Variants in CDK14 observed in about 807,000 individuals in gnomAD.
CDK14 encodes the protein cyclin dependent kinase 14, also known as cyclin-dependent kinase 14.
Under a neutral mutation model 60.7 loss-of-function variants are expected in CDK14, and 34 were observed. The ratio of observed to expected loss-of-function variants is 0.56; its 90% confidence interval spans 0.43 to 0.75. The LOEUF is 0.75. Ranked by LOEUF, CDK14 falls within the 30% of genes least tolerant of loss-of-function variation. The pLI, the probability that CDK14 is intolerant of heterozygous loss-of-function variation, is 0.00. For missense variants in CDK14, 482 were observed against 564.1 expected, an observed-to-expected ratio of 0.85 and a Z score of 1.47; for synonymous variants, 197 against 203.7, an observed-to-expected ratio of 0.97 and a Z score of 0.28.
intron 3 of CDK14, among the ~76,000 whole-genome samples, chr7:90,738,268 A>G (rs568435931): frequency 6.6e-6 from 1 of 152,202 alleles, no homozygotes; most frequent in Non-Finnish European, 1.5e-5. Context: ...TCAAATGGGG[A>G]TAGTAATAGA....
chr7:91,201,519 A>G (rs1039940831), intron 14 of CDK14, among the ~76,000 whole-genome samples: 2 of 151,874 alleles, frequency 1.3e-5, no homozygotes, highest in African/African-American at 4.8e-5. Context: ...GAGGAAGGGC[A>G]ATGCAGCAGG....
chr7:90,899,002 G>T (rs748467915), intron 6 of CDK14, among the ~76,000 whole-genome samples: 1 of 151,864 alleles, frequency 6.6e-6, no homozygotes, highest in Admixed American at 6.6e-5. Flanking sequence ...AAAGTATAAG[G>T]ATATATTCAA....
intron 2 of CDK14, among the ~76,000 whole-genome samples, chr7:90,694,949 T>C (rs17716083): frequency 0.073 from 11,009 of 151,692 alleles, 541 homozygotes; most frequent in East Asian, 0.19. Flanking sequence ...AAGCTGCTAC[T>C]TCAACTAAGA....
chr7:90,649,284 C>G (rs537981739), intron 2 of CDK14, among the ~76,000 whole-genome samples: 56 of 60,168 alleles, frequency 9.3e-4, no homozygotes, highest in Admixed American at 1.5e-3. Context: ...TTCTTTCTTT[C>G]TTTCTTTCTT....
chr7:91,006,892 C>T (rs1413819765), intron 10 of CDK14, among the ~76,000 whole-genome samples: 1 of 152,140 alleles, frequency 6.6e-6, no homozygotes, highest in African/African-American at 2.4e-5. Flanking sequence ...CATAATGATC[C>T]ATTCTATGGC....
rs548573725 is a variant in CDK14, at chr7:91,125,390, A to G, written c.*28+7182A>G. Among the ~76,000 whole-genome samples the G allele has an allele frequency of 6.6e-5, 10 of 152,318 alleles. No homozygotes were observed. The South Asian group carries it at 2.1e-3, about 32-fold the overall frequency. ...TTAAACACTTTAGCTAAAGTATTAC[A>G]AGTATAATTAACAAAAAGTTTGCAA... On this transcript the variant is annotated intron_variant, in intron 14 of 14. Transcript: ENST00000380050.
At chr7:90,891,659 G>A (rs188315987) in intron 6 of CDK14, among the ~76,000 whole-genome samples, 225 of 152,318 alleles carry the variant, frequency 1.5e-3, no homozygotes, top group African/African-American at 5.1e-3. Flanking sequence ...ATTTCTGTTG[G>A]TCATCTCCAT....
chr7:90,953,112 T>C (rs1052060580), intron 8 of CDK14, among the ~76,000 whole-genome samples: 7 of 152,154 alleles, frequency 4.6e-5, no homozygotes, highest in East Asian at 3.8e-4. Flanking sequence ...GATTTTCTTA[T>C]CCTATTAACC....
intron 9 of CDK14, among the ~76,000 whole-genome samples, chr7:90,965,554 T>C (rs1309118235): frequency 6.6e-6 from 1 of 152,208 alleles, no homozygotes; most frequent in African/African-American, 2.4e-5. Flanking sequence ...GTATGTCTTA[T>C]TGGTTCCCTT....
intron 10 of CDK14, among the ~76,000 whole-genome samples, chr7:91,003,219 C>T (rs1268991272): frequency 1.3e-5 from 2 of 152,152 alleles, no homozygotes; most frequent in Admixed American, 1.3e-4. Context: ...CTGTCCTCAT[C>T]CCATGCATCA....
intron 14 of CDK14, among the ~76,000 whole-genome samples, chr7:91,204,263 A>G (rs1372350834): frequency 2.0e-5 from 3 of 152,210 alleles, no homozygotes; most frequent in African/African-American, 7.2e-5. Context: ...CATACCATAT[A>G]CAAAACTTCA....
At chr7:90,878,114 G>GAGAGAGAGAGAGACAC (rs1378898996) in intron 6 of CDK14, among the ~76,000 whole-genome samples, 3 of 144,302 alleles carry the variant, frequency 2.1e-5, no homozygotes, top group African/African-American at 8.6e-5. Flanking sequence ...GAGAGAGACA[G>GAGAGAGAGAGAGACAC]AGAGAGAGAG....
At position 90,605,514 on chromosome 7, in the gene CDK14, G is replaced by C. The variant is rs185867126; in HGVS notation, c.123+1265G>C. On this transcript the variant is annotated intron_variant, in intron 2 of 14. Transcript: ENST00000380050. ...AACATGTATTTCTGGAATTTCGGTAGTGTTGTTATTGAGATATTTTTCAGG... is the reference window on the plus strand; with the variant it reads ...AACATGTATTTCTGGAATTTCGGTACTGTTGTTATTGAGATATTTTTCAGG... Among the ~76,000 whole-genome samples the C allele has an allele frequency of 2.2e-3, 334 of 152,270 alleles. 1 individual carries two copies. The highest frequency in any genetic ancestry group is 7.4e-3 in the African/African-American group (308 of 41,552).
At chr7:90,866,233 T>TACACACACACACACACACACAC (rs3038210) in intron 6 of CDK14, among the ~76,000 whole-genome samples, 20 of 140,328 alleles carry the variant, frequency 1.4e-4, no homozygotes, top group African/African-American at 2.9e-4. Flanking sequence ...CACATACACA[T>TACACACACACACACACACACAC]ACACACACAC....
intron 4 of CDK14, among the ~76,000 whole-genome samples, chr7:90,751,578 A>G (rs1562752978): frequency 1.3e-5 from 2 of 152,228 alleles, no homozygotes; most frequent in Admixed American, 6.5e-5. Context: ...ACATAAGTAC[A>G]TGGCCCACAG....
rs150273107 is a variant in CDK14, at chr7:90,647,355, T to G, written c.123+43106T>G. On this transcript the variant is annotated intron_variant, in intron 2 of 14. Transcript: ENST00000380050. ...TTAAATGCTTTCAATATTAGAACAA[T>G]CTTAGGGGGCCTGACCTTGCTTGGC... is the stretch of plus-strand genomic sequence containing the variant. Among the ~76,000 whole-genome samples, 701 of 152,278 alleles carry G rather than the reference T, an allele frequency of 4.6e-3. 5 individuals carry two copies. The highest frequency in any genetic ancestry group is 0.016 in the African/African-American group (656 of 41,550).
At chr7:90,695,479 A>G (rs1225245262) in intron 2 of CDK14, among the ~76,000 whole-genome samples, 4 of 152,228 alleles carry the variant, frequency 2.6e-5, no homozygotes, top group African/African-American at 9.6e-5. Context: ...TACCAGGCAC[A>G]GTTCTTGGCC....
At chr7:91,111,104 G>A (rs945849157) in intron 12 of CDK14, among the ~76,000 whole-genome samples, 2 of 152,174 alleles carry the variant, frequency 1.3e-5, no homozygotes, top group Non-Finnish European at 2.9e-5. Context: ...AGCCATTGCA[G>A]CAGCCACACA....
intron 14 of CDK14, among the ~76,000 whole-genome samples, chr7:91,138,643 A>AT (rs1399185672): frequency 6.6e-6 from 1 of 152,046 alleles, no homozygotes; most frequent in African/African-American, 2.4e-5. Context: ...GTGGGGTAGA[A>AT]TTTTTTTATG....
Sources: gnomAD v4.1 joint callset for allele counts (sites outside exome capture counted in the v4.1 genomes callset) on GRCh38, gnomAD v4.1.1 for gene constraint, MANE v1.5 for transcripts, NCBI Gene and HGNC (gene_info 2026-07-23, HGNC 2026-07-21) for gene names.